Variants in CARMIL1 observed in about 807,000 individuals in gnomAD.
The protein encoded by CARMIL1 is capping protein regulator and myosin 1 linker 1.
A neutral mutation model predicts 177.1 loss-of-function variants in CARMIL1; 90 were observed. The observed-to-expected ratio is 0.51, with a 90% CI of 0.43 to 0.61. The LOEUF is 0.61. Among genes scored for constraint, CARMIL1 ranks in the 20% least tolerant of loss-of-function variants. CARMIL1 has a pLI of 0.00. For synonymous variants in CARMIL1, 577 were observed against 606.2 expected, an observed-to-expected ratio of 0.95 and a Z score of 0.71; for missense variants, 1,380 against 1,667.0, an observed-to-expected ratio of 0.83 and a Z score of 3.00.
rs534733549 is a variant in CARMIL1, at chr6:25,458,142, A to C, written c.614+7431A>C. 2.0e-5 allele frequency among the ~76,000 whole-genome samples: 3 copies of C among 152,268 alleles called. No homozygotes were observed. In the South Asian group the frequency reaches 6.2e-4, roughly 32 times the overall value. On this transcript the variant is annotated intron_variant, in intron 8 of 36. Coordinates refer to ENST00000329474, the MANE Select transcript of CARMIL1 (RefSeq NM_017640.6). Reference sequence around the variant, plus strand: ...AATCTAGGTTTAATAGGTTATCTAGAATGTAGAGTAGCGAAGAATTTGGCA... The same window carrying C: ...AATCTAGGTTTAATAGGTTATCTAGCATGTAGAGTAGCGAAGAATTTGGCA...
chr6:25,565,135 A>G (rs1811440751), intron 29 of CARMIL1, among the ~76,000 whole-genome samples: 1 of 152,234 alleles, frequency 6.6e-6, no homozygotes, highest in Admixed American at 6.5e-5. Flanking sequence ...GAACAGTGCA[A>G]TTTGAGGAAC....
chr6:25,598,618 C>T (rs1262798102), intron 32 of CARMIL1, among the ~76,000 whole-genome samples: 4 of 152,048 alleles, frequency 2.6e-5, no homozygotes, highest in Non-Finnish European at 5.9e-5. Context: ...CTTTATATTC[C>T]CTTTGTTTTT....
chr6:25,361,948 C>T (rs1361238808), intron 2 of CARMIL1, among the ~76,000 whole-genome samples: 1 of 149,944 alleles, frequency 6.7e-6, no homozygotes, highest in African/African-American at 2.5e-5. Context: ...TTTTCAGGAC[C>T]CATAAGACAG....
At chr6:25,564,849 T>A (rs928899152) in intron 29 of CARMIL1, among the ~76,000 whole-genome samples, 4 of 151,348 alleles carry the variant, frequency 2.6e-5, no homozygotes, top group Admixed American at 2.6e-4. Context: ...ATTAGTAAAG[T>A]GAAAAATTAG....
intron 35 of CARMIL1, among the ~76,000 whole-genome samples, chr6:25,609,415 G>A (rs6904044): frequency 0.28 from 42,829 of 150,782 alleles, 6,154 homozygotes; most frequent in Non-Finnish European, 0.3. Flanking sequence ...GCAGTGAGCC[G>A]GGATCGCACC....
At chr6:25,609,272 C>G (rs1036682370) in intron 35 of CARMIL1, among the ~76,000 whole-genome samples, 10 of 152,022 alleles carry the variant, frequency 6.6e-5, no homozygotes, top group Non-Finnish European at 1.3e-4. Flanking sequence ...CGAGACCATC[C>G]TGGCTAACAC....
In CARMIL1 at chr6:25,426,635, A is replaced by T. The variant is rs546164169; in HGVS notation, c.249+75A>T. On this transcript the variant is annotated intron_variant, in intron 4 of 36. Coordinates refer to ENST00000329474, the MANE Select transcript of CARMIL1 (RefSeq NM_017640.6). ...TTGAAACCCTAAAATGTTCCTTGAG[A>T]CAATGTGGATAAACAAGGTTAGGGA... is the stretch of plus-strand genomic sequence containing the variant. 2.2e-6 allele frequency: 3 copies of T among 1,349,538 alleles called. No individual in the cohort carries two copies. In the East Asian group the frequency reaches 7.2e-5, roughly 32 times the overall value. 83.6% of individuals were successfully genotyped at this position (1,349,538 alleles called of 1,614,324 possible).
At chr6:25,592,745 A>T (rs1387085264) in intron 31 of CARMIL1, among the ~76,000 whole-genome samples, 3 of 152,182 alleles carry the variant, frequency 2.0e-5, no homozygotes, top group East Asian at 3.9e-4. Context: ...GCACCTTGAG[A>T]CTTGCAAATC....
intron 29 of CARMIL1, among the ~76,000 whole-genome samples, chr6:25,572,812 A>G (rs979164587): frequency 6.6e-6 from 1 of 152,016 alleles, no homozygotes; most frequent in Admixed American, 6.6e-5. Flanking sequence ...CAGACACCAG[A>G]TTTTTCATGA....
chr6:25,433,456 T>C (rs1388489928), intron 4 of CARMIL1, among the ~76,000 whole-genome samples: 1 of 152,198 alleles, frequency 6.6e-6, no homozygotes, highest in African/African-American at 2.4e-5. Context: ...AACATGCATA[T>C]GCACAGATAT....
chr6:25,309,839 G>A (rs2744296), intron 2 of CARMIL1, among the ~76,000 whole-genome samples: 74,717 of 147,968 alleles, frequency 0.5, 18,941 homozygotes, highest in Middle Eastern at 0.57. Flanking sequence ...GCACGATCTC[G>A]GCTCACTGCA....
At chr6:25,432,366 A>G (rs1796864469) in intron 4 of CARMIL1, among the ~76,000 whole-genome samples, 2 of 152,326 alleles carry the variant, frequency 1.3e-5, no homozygotes, top group East Asian at 3.9e-4. Context: ...TATAGTTCAT[A>G]AACTCAGATA....
At chr6:25,559,670 A>G (rs214054) in intron 29 of CARMIL1, among the ~76,000 whole-genome samples, 67,137 of 152,028 alleles carry the variant, frequency 0.44, 15,027 homozygotes, top group East Asian at 0.49. Context: ...AACTTTCCCT[A>G]TGAATTCCAA....
chr6:25,608,140 T>C (rs1211721161), intron 35 of CARMIL1, among the ~76,000 whole-genome samples: 1 of 152,234 alleles, frequency 6.6e-6, no homozygotes, highest in Non-Finnish European at 1.5e-5. Flanking sequence ...ATAGTTCTTA[T>C]AGAATGAATC....
intron 2 of CARMIL1, among the ~76,000 whole-genome samples, chr6:25,374,823 T>C (rs1181236163): frequency 6.6e-6 from 1 of 152,192 alleles, no homozygotes; most frequent in Non-Finnish European, 1.5e-5. Flanking sequence ...TTTTATCTGA[T>C]GTAGGCATAG....
At chr6:25,289,849 C>T (rs1242940736) in intron 2 of CARMIL1, among the ~76,000 whole-genome samples, 1 of 152,130 alleles carries the variant, frequency 6.6e-6, no homozygotes, top group African/African-American at 2.4e-5. Flanking sequence ...GAGTTGTTTT[C>T]AGTTTTTGTC....
At chr6:25,311,901 CAGG>C (rs1410390709) in intron 2 of CARMIL1, among the ~76,000 whole-genome samples, 8 of 152,326 alleles carry the variant, frequency 5.3e-5, no homozygotes, top group Admixed American at 2.0e-4. Flanking sequence ...GATTTTGTCT[CAGG>C]AGGCATTAGC....
At chr6:25,305,486 A>G (rs1425847772) in intron 2 of CARMIL1, among the ~76,000 whole-genome samples, 1 of 152,214 alleles carries the variant, frequency 6.6e-6, no homozygotes, top group Non-Finnish European at 1.5e-5. Context: ...TTTCCTGTAA[A>G]TACTGTCATT....
intron 31 of CARMIL1, among the ~76,000 whole-genome samples, chr6:25,590,156 C>A (rs1355749782): frequency 6.6e-6 from 1 of 152,162 alleles, no homozygotes; most frequent in Non-Finnish European, 1.5e-5. Flanking sequence ...AGACACAAAG[C>A]AGTTTCTGCT....
Sources: allele counts gnomAD v4.1 joint callset (sites outside exome capture counted in the v4.1 genomes callset), GRCh38; gene constraint gnomAD v4.1.1; transcripts MANE v1.5; gene names NCBI Gene and HGNC (gene_info 2026-07-23, HGNC 2026-07-21).